NPRL3: variants seen among roughly 807,000 people sequenced by gnomAD.
The protein encoded by NPRL3 is GATOR1 complex protein NPRL3.
NPRL3 carries 23 observed loss-of-function variants against 57.2 expected under a neutral mutation model. The ratio of observed to expected loss-of-function variants is 0.40; its 90% CI spans 0.29 to 0.57. The LOEUF is 0.57. Among genes scored for constraint, NPRL3 ranks in the 20% least tolerant of loss-of-function variants. The pLI is 0.42. For synonymous variants in NPRL3, 333 were observed against 321.1 expected (o/e 1.04, Z -0.39); for missense variants, 691 against 767.1 (o/e 0.90, Z 1.17).
intron 3 of NPRL3, among the ~76,000 whole-genome samples, chr16:122,664 A>G (rs1900332543): frequency 1.3e-5 from 2 of 152,352 alleles, no homozygotes; most frequent in African/African-American, 4.8e-5. Context: ...AGAAAAACAC[A>G]TTTAGGAAGA....
intron 7 of NPRL3, among the ~76,000 whole-genome samples, chr16:103,296 A>ATTTTTTTTGTTTTTTTTTTTTT (rs1899382056): frequency 2.4e-5 from 1 of 42,110 alleles, no homozygotes. Context: ...GCCTGGGGTG[A>ATTTTTTTTGTTTTTTTTTTTTT]TTTTTTTTTT....
At chr16:103,578 G>A (rs1436341562) in intron 7 of NPRL3, among the ~76,000 whole-genome samples, 1 of 152,090 alleles carries the variant, frequency 6.6e-6, no homozygotes, top group Non-Finnish European at 1.5e-5. Flanking sequence ...GAGGCCTTAT[G>A]ACATGTGCTG....
intron 5 of NPRL3, among the ~76,000 whole-genome samples, chr16:116,787 A>ACCCCCCCCCCC (rs71391112): frequency 4.0e-4 from 34 of 85,934 alleles, no homozygotes; most frequent in Non-Finnish European, 5.0e-4. Context: ...ACATGGCGAG[A>ACCCCCCCCCCC]CCCCCCCCCC....
intron 5 of NPRL3, among the ~76,000 whole-genome samples, chr16:115,441 C>T (rs1162133219): frequency 6.6e-6 from 1 of 151,372 alleles, no homozygotes; most frequent in African/African-American, 2.4e-5. Flanking sequence ...TTCTCCTACT[C>T]GTCAATATCA....
In NPRL3 at chr16:94,440, T is replaced by C. The variant is rs181112465; in HGVS notation, c.925-1115A>G. ...GCTGCCCTGCTGCTGAGGACACTTATACCTCAGCTCAGAAAACAGGGCCTC... is the reference window on the plus strand; with the variant it reads ...GCTGCCCTGCTGCTGAGGACACTTACACCTCAGCTCAGAAAACAGGGCCTC... On this transcript the variant is annotated intron_variant, in intron 9 of 13. Transcript: ENST00000611875. Among the ~76,000 whole-genome samples, 25 of 152,298 alleles carry C rather than the reference T, an allele frequency of 1.6e-4. No homozygotes were observed. In the East Asian group the frequency reaches 4.8e-3, roughly 29 times the overall value.
intron 3 of NPRL3, among the ~76,000 whole-genome samples, chr16:125,436 G>A (rs191637967): frequency 3.3e-4 from 51 of 152,282 alleles, no homozygotes; most frequent in Admixed American, 3.0e-3. Flanking sequence ...TTCTGAGTCC[G>A]GCAATGCTCC....
intron 5 of NPRL3, among the ~76,000 whole-genome samples, chr16:116,843 C>T (rs370602355): frequency 3.0e-5 from 4 of 132,866 alleles, no homozygotes; most frequent in African/African-American, 5.6e-5. Flanking sequence ...GGCGTGGTGG[C>T]GCACACCTGT....
chr16:125,771 T>C (rs1204098859), intron 3 of NPRL3: 1 of 152,144 alleles, frequency 6.6e-6, no homozygotes, highest in African/African-American at 2.4e-5. Flanking sequence ...GGGACAAAAA[T>C]GCCTACCTGC....
rs753890477 is a variant in NPRL3 at position 85,607 on chromosome 16, T to C, written c.*1098A>G. ...GGACCTGGCACAGGATGAAGCTGTA[T>C]GGCTGGAGCGTGGTCCCCTGGAGCC... is the stretch of plus-strand genomic sequence containing the variant. On this transcript the variant is annotated 3_prime_UTR_variant, in exon 14 of 14. Coordinates refer to ENST00000611875, the MANE Select transcript of NPRL3 (RefSeq NM_001077350.3). The C allele has an allele frequency of 3.7e-6, 6 of 1,609,470 alleles. No individual in the cohort carries two copies. The African/African-American group carries it at 8.0e-5, about 22-fold the overall frequency.
At chr16:97,647 C>T (rs537000312) in intron 9 of NPRL3, among the ~76,000 whole-genome samples, 13 of 152,126 alleles carry the variant, frequency 8.5e-5, no homozygotes, top group Non-Finnish European at 1.5e-4. Context: ...TCAGCAAGGA[C>T]GTGGCATCTT....
chr16:97,142 C>CAGT (rs1275121510), intron 9 of NPRL3, among the ~76,000 whole-genome samples: 3 of 152,236 alleles, frequency 2.0e-5, no homozygotes, highest in African/African-American at 4.8e-5. Flanking sequence ...CACCCTCAGG[C>CAGT]AGTATTTCAA....
intron 9 of NPRL3, among the ~76,000 whole-genome samples, chr16:93,655 T>C (rs1898863780): frequency 1.3e-5 from 2 of 149,210 alleles, no homozygotes; most frequent in Admixed American, 1.4e-4. Flanking sequence ...ACCTCTTGCC[T>C]CCCAGGTTCA....
intron 5 of NPRL3, among the ~76,000 whole-genome samples, chr16:113,543 C>T (rs923517681): frequency 3.3e-5 from 5 of 152,348 alleles, no homozygotes; most frequent in African/African-American, 1.2e-4. Context: ...GCAAGCACAT[C>T]TGCCCAAGCC....
chr16:106,053 G>A (rs1336021001), intron 7 of NPRL3, among the ~76,000 whole-genome samples: 4 of 151,930 alleles, frequency 2.6e-5, no homozygotes, highest in African/African-American at 9.7e-5. Flanking sequence ...GCTCACGCCT[G>A]TAGTCCTAGC....
chr16:123,647 TAGC>T, intron 3 of NPRL3: 1 of 448,272 alleles, frequency 2.2e-6, no homozygotes, highest in Non-Finnish European at 4.6e-6. Context: ...CACAAAAGTC[TAGC>T]AGAAGTGCCA....
intron 11 of NPRL3, among the ~76,000 whole-genome samples, chr16:91,253 C>A (rs1057194682): frequency 3.9e-5 from 6 of 152,076 alleles, no homozygotes; most frequent in Admixed American, 1.3e-4. Context: ...GTGGCGGGCA[C>A]CTGTAAACCC....
chr16:97,007 G>T (rs1384679614), intron 9 of NPRL3, among the ~76,000 whole-genome samples: 1 of 152,226 alleles, frequency 6.6e-6, no homozygotes, highest in Non-Finnish European at 1.5e-5. Context: ...TGGAAGCTCA[G>T]CCAGAGGGAC....
chr16:134,700 T>TA (rs1567150264), intron 2 of NPRL3, among the ~76,000 whole-genome samples: 6 of 107,354 alleles, frequency 5.6e-5, no homozygotes, highest in African/African-American at 1.4e-4. Flanking sequence ...TATTATTTTT[T>TA]TTTTTTTTTT....
intron 11 of NPRL3, 25 bp downstream of exon 11, chr16:92,571 G>T: frequency 6.2e-7 from 1 of 1,610,260 alleles, no homozygotes. Flanking sequence ...TGCCACTCTG[G>T]GCTCCTTGAG....
Sources: allele counts gnomAD v4.1 joint callset (sites outside exome capture counted in the v4.1 genomes callset), GRCh38; gene constraint gnomAD v4.1.1; transcripts MANE v1.5; gene names NCBI Gene and HGNC (gene_info 2026-07-23, HGNC 2026-07-21).